Variants in AKT2 observed in about 807,000 individuals in gnomAD.
AKT2 encodes RAC-beta serine/threonine-protein kinase.
AKT2 carries 16 observed loss-of-function variants against 58.6 expected under a neutral mutation model. That is an observed-to-expected ratio of 0.27 (90% CI 0.18 to 0.41). The LOEUF is 0.41. Among genes scored for constraint, AKT2 ranks in the 10% least tolerant of loss-of-function variants. The pLI is 1.00. For synonymous variants in AKT2, 253 were observed against 254.0 expected, an observed-to-expected ratio of 1.00 and a Z score of 0.04; for missense variants, 438 against 661.0, an observed-to-expected ratio of 0.66 and a Z score of 3.70.
At chr19:40,270,830 T>C (rs1257682386) in intron 1 of AKT2, 1 of 152,008 alleles carries the variant, frequency 6.6e-6, no homozygotes, top group African/African-American at 2.4e-5. Flanking sequence ...CTTGGTAACA[T>C]AGCAAGACCT....
chr19:40,230,524 G>C lies in AKT2; in HGVS notation c.*3348C>G, dbSNP rs747830567. 6 of 227,382 alleles carry C rather than the reference G, an allele frequency of 2.6e-5. No individual in the cohort carries two copies. The highest frequency in any genetic ancestry group is 4.4e-5 in the Non-Finnish European group (5 of 114,534). The allele number at this position is 227,382 out of a possible 1,614,324, so 14.1% of individuals were successfully genotyped here. On this transcript the variant is annotated 3_prime_UTR_variant, in exon 14 of 14. Coordinates refer to ENST00000392038, the MANE Select transcript of AKT2 (RefSeq NM_001626.6). Reference sequence around the variant, plus strand: ...CTCCACACAACCATCAGTGCACGAGGGCAGCCCCCAGAGGCTTCACATTAA... The same window carrying C: ...CTCCACACAACCATCAGTGCACGAGCGCAGCCCCCAGAGGCTTCACATTAA...
At chr19:40,241,864 G>A (rs3730260) in intron 6 of AKT2, 74 bp downstream of exon 6, 29 of 1,604,416 alleles carry the variant, frequency 1.8e-5, no homozygotes, top group Middle Eastern at 1.7e-4. Flanking sequence ...GCGGGTAAGC[G>A]TCCAGGCCTC....
chr19:40,277,461 GCTCT>G (rs1264924115), intron 1 of AKT2, among the ~76,000 whole-genome samples: 1 of 152,054 alleles, frequency 6.6e-6, no homozygotes, highest in Non-Finnish European at 1.5e-5. Context: ...AATCCAGCCA[GCTCT>G]CTCCCACACA....
intron 4 of AKT2, among the ~76,000 whole-genome samples, chr19:40,251,089 A>G (rs1975124272): frequency 6.6e-6 from 1 of 151,998 alleles, no homozygotes; most frequent in Admixed American, 6.6e-5. Context: ...CTTTAGTCCC[A>G]GCTACTCAGG....
chr19:40,278,765 T>C lies in AKT2; in HGVS notation c.-85+6416A>G, dbSNP rs186682829. On this transcript the variant is annotated intron_variant, in intron 1 of 13. Transcript: ENST00000392038. ...CCGCCTCCTCAGGAGGCCTGTGCTT[T>C]CCAACGCAGCAGCTCCGTGCATCCT... Among the ~76,000 whole-genome samples the C allele has an allele frequency of 7.8e-4, 118 of 151,922 alleles. 3 individuals carry two copies. In the East Asian group the frequency reaches 0.013, roughly 17 times the overall value.
At chr19:40,241,691 G>A in intron 6 of AKT2, 1 of 547,482 alleles carries the variant, frequency 1.8e-6, no homozygotes, top group Non-Finnish European at 3.2e-6. Flanking sequence ...CCTGCTGGGT[G>A]GGGCCCCGAG....
rs374077112 is a variant in AKT2 at position 40,230,716 on chromosome 19, GTTTTT to G, written c.*3151_*3155del. ...TGTCTTTTTTAATAGCATGTATCAT[GTTTTT>G]TTTTTTTTTATTTTTAGAGACACAG... On this transcript the variant is annotated 3_prime_UTR_variant, in exon 14 of 14. Coordinates refer to ENST00000392038, the MANE Select transcript of AKT2 (RefSeq NM_001626.6). 1 of 176,458 alleles carries G rather than the reference GTTTTT, an allele frequency of 5.7e-6. No homozygotes were observed. The highest frequency in any genetic ancestry group is 2.4e-5 in the African/African-American group (1 of 40,824). 10.9% of individuals were successfully genotyped at this position (176,458 alleles called of 1,614,324 possible). A position where few individuals can be genotyped will look rare whatever the true frequency, so the allele number is the denominator to read the frequency against.
Position 40,238,116 on chromosome 19 carries a change from G to A in AKT2, c.709-25C>T. On this transcript the variant is annotated intron_variant, in intron 8 of 13. Transcript: ENST00000392038. The surrounding 1 kb of genome is among the most constrained non-coding windows in gnomAD (Gnocchi z 5.1). ...GCTGCAGGAGGAAGGGGTGGGGAGA[G>A]GAGGTCAGGCCCCAGCCCACCCACC... The A allele has an allele frequency of 6.3e-7, 1 of 1,577,672 alleles. No homozygotes were observed. Among genetic ancestry groups the A allele is most frequent in the Non-Finnish European group, 8.6e-7 (1 of 1,162,300 alleles).
intron 1 of AKT2, chr19:40,266,346 A>G (rs2145369322): frequency 6.6e-6 from 1 of 152,378 alleles, no homozygotes; most frequent in Non-Finnish European, 1.5e-5. Context: ...CACCATGGGC[A>G]TCAGCTTTCT....
Position 40,235,897 on chromosome 19 carries a change from T to C in AKT2, c.1168A>G (p.Lys390Glu). ...LLAGLLKKDP[K>E]QRLGGGPSDA... ...GCCGACGCCAGCCCTCACCTCTGCT[T>C]GGGGTCCTTCTTAAGCAGCCCAGCA... The change falls in exon 11 of 14, where the codon AAG becomes GAG. Residue 390 changes from lysine (K) to glutamate (E), a missense_variant. Transcript: ENST00000392038. The surrounding 1 kb of genome is among the most constrained non-coding windows in gnomAD (Gnocchi z 6.3). 6.2e-7 allele frequency: 1 copy of C among 1,610,290 alleles called. No individual in the cohort carries two copies.
Position 40,235,495 on chromosome 19 carries a change from G to T in AKT2, c.1176-145C>A. 1 of 811,496 alleles carries T rather than the reference G, an allele frequency of 1.2e-6. No homozygotes were observed. Among genetic ancestry groups the T allele is most frequent in the Non-Finnish European group, 2.0e-6 (1 of 489,140 alleles). The allele number at this position is 811,496 out of a possible 1,614,324, so 50.3% of individuals were successfully genotyped here. A position where few individuals can be genotyped will look rare whatever the true frequency, so the allele number is the denominator to read the frequency against. ...TCACAGAGGAGGAAACCGAGGCTCA[G>T]GGAGGGAGCTCACGTGCCCAGGGTC... On this transcript the variant is annotated intron_variant, in intron 11 of 13. Transcript: ENST00000392038. The surrounding 1 kb of genome is among the most constrained non-coding windows in gnomAD (Gnocchi z 6.3).
intron 1 of AKT2, among the ~76,000 whole-genome samples, chr19:40,276,634 G>C (rs1230313075): frequency 6.6e-6 from 1 of 151,846 alleles, no homozygotes; most frequent in Admixed American, 6.6e-5. Flanking sequence ...AAAGTGCTGG[G>C]ATTACAGGTG....
chr19:40,278,068 T>C (rs1339216818), intron 1 of AKT2, among the ~76,000 whole-genome samples: 1 of 152,096 alleles, frequency 6.6e-6, no homozygotes, highest in Admixed American at 6.5e-5. Context: ...CAAGCAGGCA[T>C]GGAATGGAGT....
rs1568518786 is a variant in AKT2, at chr19:40,235,999, C to T, written c.1066G>A (p.Glu356Lys). ...GRLPFYNQDH[E>K]RLFELILMEE... is the part of the protein sequence containing the mutation. ...ATGAGGATGAGCTCGAAGAGGCGCT[C>T]GTGGTCCTGGTTGTAGAAGGGCAGG... is the stretch of plus-strand genomic sequence containing the variant. Residue 356 changes from glutamate (E) to lysine (K), a missense_variant, in exon 11 of 14, where the codon GAG (glutamate) becomes AAG (lysine). By Grantham distance (56) the Glu-to-Lys change is moderately conservative. Transcript: ENST00000392038. The surrounding 1 kb of genome is among the most constrained non-coding windows in gnomAD (Gnocchi z 6.3). The T allele has an allele frequency of 3.1e-6, 5 of 1,614,132 alleles. No homozygotes were observed. Among genetic ancestry groups the T allele is most frequent in the Non-Finnish European group, 4.2e-6 (5 of 1,180,026 alleles).
rs1973804100 is a variant in AKT2, at chr19:40,233,180, A to G, written c.*692T>C. On this transcript the variant is annotated 3_prime_UTR_variant, in exon 14 of 14. Transcript: ENST00000392038. This position sits in a 1 kb window ranked among gnomAD's most constrained non-coding sequence, Gnocchi z 4.3. Reference sequence around the variant, plus strand: ...CAAATGTTCCTCCTGCCTCATCCATAGGGTGAGGACAGTTTGGTGGGGAGG... The same window carrying G: ...CAAATGTTCCTCCTGCCTCATCCATGGGGTGAGGACAGTTTGGTGGGGAGG... 8.1e-6 allele frequency: 2 copies of G among 246,380 alleles called. No individual in the cohort carries two copies. The highest frequency in any genetic ancestry group is 7.9e-6 in the Non-Finnish European group (1 of 126,524). The allele number at this position is 246,380 out of a possible 1,614,324, so 15.3% of individuals were successfully genotyped here. A position where few individuals can be genotyped will look rare whatever the true frequency, so the allele number is the denominator to read the frequency against.
At chr19:40,263,851 C>T (rs1487538516) in intron 2 of AKT2, among the ~76,000 whole-genome samples, 4 of 152,328 alleles carry the variant, frequency 2.6e-5, no homozygotes, top group Non-Finnish European at 4.4e-5. Context: ...CATTGGCTGT[C>T]GCCTCTGGCA....
At chr19:40,239,040 A>C in intron 7 of AKT2, 67 bp from the exon 8 acceptor site, 1 of 1,532,802 alleles carries the variant, frequency 6.5e-7, no homozygotes, top group Non-Finnish European at 9.0e-7. Context: ...ATGCCAGGGC[A>C]GGGCCCTGGC....
chr19:40,249,592 G>T (rs1222657385), intron 4 of AKT2, among the ~76,000 whole-genome samples: 1 of 152,202 alleles, frequency 6.6e-6, no homozygotes, highest in East Asian at 1.9e-4. Context: ...GCTGACTGTG[G>T]GGACTCTCCC....
intron 1 of AKT2, chr19:40,265,940 T>C: frequency 6.4e-6 from 1 of 155,868 alleles, no homozygotes. Context: ...GCGGCCTCCC[T>C]CCCCCCATCA....
Sources: gnomAD v4.1 joint callset for allele counts (sites outside exome capture counted in the v4.1 genomes callset) on GRCh38, gnomAD v4.1.1 for gene constraint, Gnocchi (gnomAD v3.1) non-coding constraint, MANE v1.5 for transcripts, NCBI Gene and HGNC (gene_info 2026-07-23, HGNC 2026-07-21) for gene names.